Variants in ARHGEF38 observed in about 807,000 individuals in gnomAD.
ARHGEF38 encodes Rho guanine nucleotide exchange factor 38.
In ARHGEF38, 79 loss-of-function variants were observed where a neutral mutation model predicts 79.9. The ratio of observed to expected loss-of-function variants is 0.99; its 90% CI spans 0.82 to 1.19. The LOEUF (loss-of-function observed/expected upper bound fraction) is 1.19. ARHGEF38 is among the 50% of genes most tolerant of loss of function. The pLI is 0.00. For synonymous variants in ARHGEF38, 366 were observed against 328.3 expected (o/e 1.11, Z -1.24); for missense variants, 962 against 907.2 (o/e 1.06, Z -0.78).
rs1727216797 is a variant in ARHGEF38, at chr4:105,589,420, C to T, written c.369C>T (p.Pro123=). The change falls in exon 2 of 14, where the codon CCC becomes CCT. Residue 123 remains proline, a synonymous_variant. Coordinates refer to ENST00000420470, the MANE Select transcript of ARHGEF38 (RefSeq NM_001242729.2). ...TGTGTGTTAGGGAAGTGGTTCAGCC[C>T]CTGAGAAATAAAAAGGTAAATATAT... The part of the protein sequence containing the change: ...LELCVREVVQ[P]LRNKKTDRLD... 6.2e-7 allele frequency: 1 copy of T among 1,604,856 alleles called. No homozygotes were observed. The highest frequency in any genetic ancestry group is 1.3e-5 in the African/African-American group (1 of 74,148).
intron 10 of ARHGEF38, 118 bp from the exon 11 acceptor site, chr4:105,666,059 C>T: frequency 1.2e-6 from 1 of 865,824 alleles, no homozygotes; most frequent in Non-Finnish European, 1.5e-6. Context: ...GTTGCCCTAA[C>T]TTTTCACAAT....
Position 105,679,152 on chromosome 4 carries a change from C to T in ARHGEF38, c.*1215C>T. The T allele has an allele frequency of 1.6e-6, 1 of 618,800 alleles. No homozygotes were observed. The highest frequency in any genetic ancestry group is 2.8e-6 in the Non-Finnish European group (1 of 360,302). The allele number at this position is 618,800 out of a possible 1,614,324, so 38.3% of individuals were successfully genotyped here. ...TTCCTGAGCAACTGCTTTGTCGACT[C>T]TCTCTACCTGACCAATTGCCAGATC... is the stretch of plus-strand genomic sequence containing the variant. On this transcript the variant is annotated 3_prime_UTR_variant, in exon 14 of 14. Coordinates refer to ENST00000420470, the MANE Select transcript of ARHGEF38 (RefSeq NM_001242729.2).
At chr4:105,577,470 G>A (rs972383985) in intron 1 of ARHGEF38, among the ~76,000 whole-genome samples, 2 of 151,670 alleles carry the variant, frequency 1.3e-5, no homozygotes, top group African/African-American at 4.8e-5. Flanking sequence ...TCTATCTTTT[G>A]TAATGGTTTC....
At chr4:105,574,405 G>A (rs1726383596) in intron 1 of ARHGEF38, among the ~76,000 whole-genome samples, 1 of 152,044 alleles carries the variant, frequency 6.6e-6, no homozygotes, top group African/African-American at 2.4e-5. Flanking sequence ...AAAAAATTTA[G>A]CCAGGCATGG....
intron 13 of ARHGEF38, among the ~76,000 whole-genome samples, chr4:105,675,697 G>A (rs1731094559): frequency 6.6e-6 from 1 of 152,204 alleles, no homozygotes; most frequent in African/African-American, 2.4e-5. Context: ...ATAAACAACA[G>A]AAATTTATTT....
chr4:105,654,869 A>G (rs1344483119), intron 8 of ARHGEF38, among the ~76,000 whole-genome samples: 1 of 152,220 alleles, frequency 6.6e-6, no homozygotes, highest in Non-Finnish European at 1.5e-5. Flanking sequence ...ATCAGTTACT[A>G]AATTGTCCCC....
intron 1 of ARHGEF38, among the ~76,000 whole-genome samples, chr4:105,572,044 T>C (rs1042986803): frequency 6.6e-6 from 1 of 152,232 alleles, no homozygotes; most frequent in Non-Finnish European, 1.5e-5. Flanking sequence ...GGAACAAAGA[T>C]ATATTCAGTT....
chr4:105,644,641 A>G (rs1163252675), intron 5 of ARHGEF38, among the ~76,000 whole-genome samples: 1 of 152,230 alleles, frequency 6.6e-6, no homozygotes, highest in Non-Finnish European at 1.5e-5. Context: ...ATAATAACTA[A>G]AGAATTATCA....
chr4:105,624,506 C>G (rs971628304), intron 3 of ARHGEF38, among the ~76,000 whole-genome samples: 1 of 152,174 alleles, frequency 6.6e-6, no homozygotes, highest in Admixed American at 6.5e-5. Context: ...AATATTATAA[C>G]CCTAGCCAGG....
At chr4:105,558,285 T>C (rs995782704) in intron 1 of ARHGEF38, among the ~76,000 whole-genome samples, 1 of 152,212 alleles carries the variant, frequency 6.6e-6, no homozygotes, top group Admixed American at 6.5e-5. Context: ...AAATTAACAC[T>C]GGAAGACTTG....
At chr4:105,580,183 T>C (rs1202528775) in intron 1 of ARHGEF38, among the ~76,000 whole-genome samples, 1 of 152,210 alleles carries the variant, frequency 6.6e-6, no homozygotes, top group Non-Finnish European at 1.5e-5. Flanking sequence ...TTGGATTCAT[T>C]GATCTTTTGA....
intron 10 of ARHGEF38, among the ~76,000 whole-genome samples, chr4:105,662,557 A>G (rs998393577): frequency 1.3e-5 from 2 of 152,252 alleles, no homozygotes; most frequent in Non-Finnish European, 2.9e-5. Flanking sequence ...TAATCAATCC[A>G]TGTAGATTTT....
rs1251787661 is a variant in ARHGEF38 at position 105,589,359 on chromosome 4, T to C, written c.308T>C (p.Ile103Thr). 2 of 1,613,998 alleles carry C rather than the reference T, an allele frequency of 1.2e-6. No homozygotes were observed. The highest frequency in any genetic ancestry group is 1.7e-6 in the Non-Finnish European group (2 of 1,180,004). Reference sequence around the variant, plus strand: ...CGGGAAAAGATCATTAAGGAGCTGATACAGACAGAAAAGGATTATCTCAAT... The same window carrying C: ...CGGGAAAAGATCATTAAGGAGCTGACACAGACAGAAAAGGATTATCTCAAT... ...AKREKIIKEL[I>T]QTEKDYLNDL... Residue 103 changes from isoleucine (I) to threonine (T), a missense_variant, in exon 2 of 14, where the codon ATA (isoleucine) becomes ACA (threonine). By Grantham distance (89) the Ile-to-Thr change is moderately conservative (BLOSUM62 -1). Transcript: ENST00000420470.
chr4:105,586,937 A>G (rs1285296595), intron 1 of ARHGEF38, among the ~76,000 whole-genome samples: 1 of 138,886 alleles, frequency 7.2e-6, no homozygotes, highest in Non-Finnish European at 1.5e-5. Context: ...CACTATGTAT[A>G]ATACATCAAA....
intron 3 of ARHGEF38, among the ~76,000 whole-genome samples, chr4:105,618,566 A>G (rs906970818): frequency 6.6e-6 from 1 of 152,208 alleles, no homozygotes; most frequent in Non-Finnish European, 1.5e-5. Flanking sequence ...AGTTCCAGTG[A>G]GCTGAGATCG....
intron 3 of ARHGEF38, among the ~76,000 whole-genome samples, chr4:105,624,816 G>T (rs974153111): frequency 1.3e-5 from 2 of 152,144 alleles, no homozygotes; most frequent in South Asian, 4.1e-4. Context: ...CTTGAACTTG[G>T]GGTGAAAGCT....
chr4:105,619,867 G>T (rs1436357138), intron 3 of ARHGEF38, among the ~76,000 whole-genome samples: 1 of 152,116 alleles, frequency 6.6e-6, no homozygotes, highest in Non-Finnish European at 1.5e-5. Context: ...ACTGATTGTT[G>T]GTGAGATGTT....
At chr4:105,610,982 A>C (rs1728270508) in intron 2 of ARHGEF38, among the ~76,000 whole-genome samples, 1 of 152,106 alleles carries the variant, frequency 6.6e-6, no homozygotes, top group Non-Finnish European at 1.5e-5. Flanking sequence ...CCTGGTAAAG[A>C]ACGAAGGCAT....
intron 13 of ARHGEF38, among the ~76,000 whole-genome samples, chr4:105,669,131 A>T (rs72669998): frequency 0.05 from 7,588 of 152,252 alleles, 222 homozygotes; most frequent in Middle Eastern, 0.13. Context: ...GCTTGGGTAT[A>T]TCCTTTGTAT....
Sources: allele counts gnomAD v4.1 joint callset (sites outside exome capture counted in the v4.1 genomes callset), GRCh38; gene constraint gnomAD v4.1.1; transcripts MANE v1.5; gene names NCBI Gene and HGNC (gene_info 2026-07-23, HGNC 2026-07-21).